The following MTCL1 variants were observed in gnomAD, a reference collection of about 807,000 sequenced individuals.
The protein encoded by MTCL1 is microtubule cross-linking factor 1.
In MTCL1, 79 loss-of-function variants were observed where a neutral mutation model predicts 141.4. The ratio of observed to expected loss-of-function variants is 0.56; its 90% CI spans 0.47 to 0.67. MTCL1 has a LOEUF of 0.67. Ranked by LOEUF, MTCL1 falls within the 30% of genes least tolerant of loss-of-function variation. The probability of loss-of-function intolerance (pLI) is 0.00; values close to 1 mark genes in which losing one functional copy is unlikely to be tolerated. For synonymous variants in MTCL1, 914 were observed against 875.8 expected, an observed-to-expected ratio of 1.04 and a Z score of -0.77; for missense variants, 2,177 against 2,113.9, an observed-to-expected ratio of 1.03 and a Z score of -0.59.
Position 8,783,861 on chromosome 18 carries a change from G to A in MTCL1, c.749G>A (p.Gly250Asp), listed in dbSNP as rs373668728. ...ATGCGGGGCCAGCAGGAGCGGGAGG[G>A]CCCGGGTCGGGACCACGCACCCAGC... is the stretch of plus-strand genomic sequence containing the variant. Residue 250 changes from glycine (G) to aspartate (D), a missense_variant, in exon 6 of 17, where the codon GGC (glycine) becomes GAC (aspartate). Transcript: ENST00000359865. 5 of 1,612,946 alleles carry A rather than the reference G, an allele frequency of 3.1e-6. No homozygotes were observed. In the African/African-American group the frequency reaches 4.0e-5, roughly 13 times the overall value.
chr18:8,753,976 T>C (rs1000783501), intron 4 of MTCL1, among the ~76,000 whole-genome samples: 1 of 152,230 alleles, frequency 6.6e-6, no homozygotes, highest in African/African-American at 2.4e-5. Flanking sequence ...ATTTAAAATA[T>C]GTATTAATTC....
At chr18:8,736,997 T>G (rs1411803651) in intron 4 of MTCL1, among the ~76,000 whole-genome samples, 1 of 152,158 alleles carries the variant, frequency 6.6e-6, no homozygotes, top group Non-Finnish European at 1.5e-5. Flanking sequence ...TATTCCTACC[T>G]GAGTAGAAAC....
At chr18:8,720,891 A>C (rs997753809) in intron 4 of MTCL1, among the ~76,000 whole-genome samples, 2 of 150,860 alleles carry the variant, frequency 1.3e-5, no homozygotes, top group Non-Finnish European at 2.9e-5. Context: ...TTATTGCTAG[A>C]ATACAGAGTT....
intron 4 of MTCL1, among the ~76,000 whole-genome samples, chr18:8,757,424 G>A (rs1413370356): frequency 6.6e-6 from 1 of 152,170 alleles, no homozygotes; most frequent in African/African-American, 2.4e-5. Flanking sequence ...CCCAGACTTT[G>A]TAACAGGTGA....
At chr18:8,786,187 G>T in intron 7 of MTCL1, 96 bp downstream of exon 6, 1 of 1,356,308 alleles carries the variant, frequency 7.4e-7, no homozygotes, top group South Asian at 1.2e-5. Flanking sequence ...GAGGCCCTGA[G>T]GGAACATGGC....
At chr18:8,725,771 A>ATTTTTTTT (rs2096204219) in intron 4 of MTCL1, among the ~76,000 whole-genome samples, 1 of 98,718 alleles carries the variant, frequency 1.0e-5, no homozygotes, top group Non-Finnish European at 2.0e-5. Flanking sequence ...TTTTGGTGCC[A>ATTTTTTTT]TTTTCTTTTT....
exon 15 of MTCL1, chr18:8,825,706 C>T (rs2077000475): frequency 6.2e-7 from 1 of 1,614,060 alleles, no homozygotes. Context: ...CAGAGGAAGC[C>T]CCTCCCCAAA....
Position 8,813,198 on chromosome 18 carries a change from C to T in MTCL1, c.2824C>T (p.Arg942Trp), listed in dbSNP as rs754981480. Reference sequence around the variant, plus strand: ...GGACAGAGATCGGCAGGAGTGGGAGCGGCAGAAGAAGGAATTCTTGTGGAG... The same window carrying T: ...GGACAGAGATCGGCAGGAGTGGGAGTGGCAGAAGAAGGAATTCTTGTGGAG... Residue 942 changes from arginine (R) to tryptophan (W), a missense_variant, in exon 12 of 17, where the codon CGG (arginine) becomes TGG (tryptophan). Arg to Trp is a moderately radical substitution (Grantham distance 101, BLOSUM62 -3). Transcript: ENST00000359865. The T allele has an allele frequency of 1.4e-5, 22 of 1,611,760 alleles. No individual in the cohort carries two copies. The highest frequency in any genetic ancestry group is 2.2e-5 in the East Asian group (1 of 44,796).
intron 4 of MTCL1, among the ~76,000 whole-genome samples, chr18:8,743,397 C>T (rs1331265705): frequency 6.6e-6 from 1 of 152,224 alleles, no homozygotes; most frequent in East Asian, 1.9e-4. Context: ...GGTCTTAGTA[C>T]TACAGATAAA....
intron 11 of MTCL1, among the ~76,000 whole-genome samples, chr18:8,808,300 A>C (rs2076370223): frequency 6.9e-6 from 1 of 145,518 alleles, no homozygotes; most frequent in South Asian, 2.3e-4. Flanking sequence ...ACCCTATTAA[A>C]AAAAATATGT....
intron 4 of MTCL1, among the ~76,000 whole-genome samples, chr18:8,725,790 C>CTTTTTTTTTTTTTTTTTTTTTTTTT (rs796484848): frequency 2.0e-4 from 12 of 61,088 alleles, no homozygotes; most frequent in Non-Finnish European, 2.8e-4. Context: ...TTTTTTTTTT[C>CTTTTTTTTTTTTTTTTTTTTTTTTT]TTTTTTTTTT....
intron 10 of MTCL1, among the ~76,000 whole-genome samples, chr18:8,798,773 G>A (rs1267252152): frequency 6.6e-6 from 1 of 152,192 alleles, no homozygotes; most frequent in Admixed American, 6.5e-5. Context: ...TATAAAGAGA[G>A]GTGAGACTTC....
intron 4 of MTCL1, among the ~76,000 whole-genome samples, chr18:8,739,751 G>T (rs919054851): frequency 8.1e-5 from 12 of 148,932 alleles, no homozygotes; most frequent in Non-Finnish European, 1.6e-4. Context: ...GTTTTTTTTT[G>T]AGATGGAGTC....
chr18:8,711,593 G>A (rs1196812286), intron 1 of MTCL1, among the ~76,000 whole-genome samples: 1 of 151,746 alleles, frequency 6.6e-6, no homozygotes, highest in Non-Finnish European at 1.5e-5. Flanking sequence ...TAACTGATGT[G>A]AGATGATATC....
chr18:8,813,931 AT>A (rs1432751919), intron 12 of MTCL1, among the ~76,000 whole-genome samples: 1 of 152,250 alleles, frequency 6.6e-6, no homozygotes, highest in African/African-American at 2.4e-5. Flanking sequence ...GGATACACAA[AT>A]TAAATTGATG....
intron 4 of MTCL1, among the ~76,000 whole-genome samples, chr18:8,761,049 T>C (rs2096429839): frequency 6.6e-6 from 1 of 152,218 alleles, no homozygotes; most frequent in South Asian, 2.1e-4. Context: ...AAAAACTTGC[T>C]AAAGCTTTGG....
At chr18:8,721,478 G>A (rs762239059) in intron 4 of MTCL1, among the ~76,000 whole-genome samples, 8 of 152,188 alleles carry the variant, frequency 5.3e-5, no homozygotes, top group Non-Finnish European at 1.0e-4. Flanking sequence ...AGTAGCAGGC[G>A]TGCCCCTCTC....
intron 9 of MTCL1, among the ~76,000 whole-genome samples, chr18:8,797,191 G>T (rs566890): frequency 0.7 from 106,476 of 152,104 alleles, 38,556 homozygotes; most frequent in Middle Eastern, 0.82. Flanking sequence ...CCTTGCTGGT[G>T]TGTAAAAGCT....
chr18:8,774,848 T>G (rs1259675135), intron 4 of MTCL1, among the ~76,000 whole-genome samples: 3 of 152,182 alleles, frequency 2.0e-5, no homozygotes, highest in African/African-American at 7.2e-5. Flanking sequence ...CCACTGTGAA[T>G]GGAGTCTGTG....
Sources: gnomAD v4.1 joint callset for allele counts (sites outside exome capture counted in the v4.1 genomes callset) on GRCh38, gnomAD v4.1.1 for gene constraint, MANE v1.5 for transcripts, NCBI Gene and HGNC (gene_info 2026-07-23, HGNC 2026-07-21) for gene names.